Variants in TMEM196 observed in about 807,000 individuals in gnomAD.
The protein encoded by TMEM196 is transmembrane protein 196.
A neutral mutation model predicts 20.0 loss-of-function variants in TMEM196; 17 were observed. That is an observed-to-expected ratio of 0.85 (90% CI 0.58 to 1.27). The LOEUF (loss-of-function observed/expected upper bound fraction) is 1.27. Among genes scored for constraint, TMEM196 ranks in the 50% most tolerant of loss-of-function variants. The pLI is 0.00. For synonymous variants in TMEM196, 113 were observed against 88.9 expected (o/e 1.27, Z -1.52); for missense variants, 267 against 223.0 (o/e 1.20, Z -1.26).
intron 1 of TMEM196, among the ~76,000 whole-genome samples, chr7:19,736,271 A>T (rs1020565251): frequency 1.4e-5 from 2 of 147,754 alleles, no homozygotes; most frequent in East Asian, 3.9e-4. Context: ...TTCTTACATC[A>T]TATCCTGGCT....
chr7:19,754,934 C>T (rs944442717), intron 1 of TMEM196, among the ~76,000 whole-genome samples: 53 of 152,092 alleles, frequency 3.5e-4, no homozygotes, highest in African/African-American at 1.3e-3. Flanking sequence ...TGATACAGCA[C>T]TTATTATTTA....
intron 2 of TMEM196, among the ~76,000 whole-genome samples, chr7:19,726,910 C>T (rs1285907266): frequency 6.6e-6 from 1 of 152,032 alleles, no homozygotes; most frequent in African/African-American, 2.4e-5. Flanking sequence ...ATATGGGTTA[C>T]TCATTCCCAC....
chr7:19,757,186 T>TG lies in TMEM196; in HGVS notation c.147+15363_147+15364insC, dbSNP rs1195590743. On this transcript the variant is annotated intron_variant, in intron 1 of 4. Coordinates refer to ENST00000405844, the MANE Select transcript of TMEM196 (RefSeq NM_001363562.2). The stretch of plus-strand genomic sequence containing the variant: ...TATTGCAGTAGATACTTTTTTTTTT[T>TG]TTTTTGAGATGAAGTCTCAGTTTGT... 2.6e-4 allele frequency among the ~76,000 whole-genome samples: 39 copies of TG among 151,182 alleles called. 1 individual carries two copies. In the East Asian group the frequency reaches 7.4e-3, roughly 29 times the overall value.
chr7:19,755,171 C>T (rs1158023152), intron 1 of TMEM196, among the ~76,000 whole-genome samples: 1 of 152,132 alleles, frequency 6.6e-6, no homozygotes, highest in Admixed American at 6.5e-5. Flanking sequence ...CTTTCTTTAA[C>T]CTTTCTACTT....
intron 1 of TMEM196, among the ~76,000 whole-genome samples, chr7:19,736,795 G>T (rs1443849965): frequency 3.9e-5 from 6 of 151,982 alleles, no homozygotes; most frequent in Admixed American, 3.3e-4. Context: ...TAAGGTCAAA[G>T]AGTGAGAGTT....
chr7:19,733,968 C>T (rs1256425955), intron 1 of TMEM196, among the ~76,000 whole-genome samples: 1 of 152,174 alleles, frequency 6.6e-6, no homozygotes, highest in Non-Finnish European at 1.5e-5. Flanking sequence ...TAACAACTGA[C>T]AGCAGTCTAC....
At chr7:19,746,637 C>T (rs1344819555) in intron 1 of TMEM196, among the ~76,000 whole-genome samples, 1 of 152,190 alleles carries the variant, frequency 6.6e-6, no homozygotes, top group African/African-American at 2.4e-5. Flanking sequence ...TAACAGCTTT[C>T]TATAACCAAA....
rs1583469802 is a variant in TMEM196, at chr7:19,772,791, C to T, written c.-95G>A. 1 of 1,211,676 alleles carries T rather than the reference C, an allele frequency of 8.3e-7. No individual in the cohort carries two copies. Among genetic ancestry groups the T allele is most frequent in the Non-Finnish European group, 1.1e-6 (1 of 940,986 alleles). 75.1% of individuals were successfully genotyped at this position (1,211,676 alleles called of 1,614,324 possible). A position where few individuals can be genotyped will look rare whatever the true frequency, so the allele number is the denominator to read the frequency against. ...CCTCCTTACCCCTTCCACCCCCTAC[C>T]AGATCCCAAAACTTTTCTTTCTTCA... On this transcript the variant is annotated 5_prime_UTR_variant, in exon 1 of 5. Coordinates refer to ENST00000405844, the MANE Select transcript of TMEM196 (RefSeq NM_001363562.2).
At chr7:19,763,991 C>T (rs1785530962) in intron 1 of TMEM196, among the ~76,000 whole-genome samples, 1 of 152,142 alleles carries the variant, frequency 6.6e-6, no homozygotes, top group Non-Finnish European at 1.5e-5. Flanking sequence ...CCTATTCTCA[C>T]TTCTTTGTAT....
intron 4 of TMEM196, among the ~76,000 whole-genome samples, chr7:19,722,382 A>G (rs1289473958): frequency 6.6e-6 from 1 of 152,074 alleles, no homozygotes; most frequent in Non-Finnish European, 1.5e-5. Context: ...TTCTCTCCCC[A>G]CTTTCCTGAG....
At chr7:19,752,468 A>C (rs1292713036) in intron 1 of TMEM196, among the ~76,000 whole-genome samples, 1 of 152,168 alleles carries the variant, frequency 6.6e-6, no homozygotes, top group Non-Finnish European at 1.5e-5. Context: ...TAACAGGATT[A>C]TTTAAGGGCT....
chr7:19,770,785 C>T (rs1562632974), intron 1 of TMEM196, among the ~76,000 whole-genome samples: 1 of 152,086 alleles, frequency 6.6e-6, no homozygotes, highest in Non-Finnish European at 1.5e-5. Context: ...ACATACACAT[C>T]TAGATAATAG....
intron 1 of TMEM196, among the ~76,000 whole-genome samples, chr7:19,729,845 A>G (rs1784132239): frequency 6.6e-6 from 1 of 152,238 alleles, no homozygotes; most frequent in Non-Finnish European, 1.5e-5. Context: ...AAATCAAAAG[A>G]TAATGCATCA....
chr7:19,761,534 A>G (rs1235099438), intron 1 of TMEM196, among the ~76,000 whole-genome samples: 1 of 152,218 alleles, frequency 6.6e-6, no homozygotes, highest in Non-Finnish European at 1.5e-5. Flanking sequence ...TTATGTGATA[A>G]GGTGTTCCTC....
intron 1 of TMEM196, among the ~76,000 whole-genome samples, chr7:19,768,166 T>G (rs1352291953): frequency 6.6e-6 from 1 of 152,122 alleles, no homozygotes; most frequent in Non-Finnish European, 1.5e-5. Context: ...CAATAAAACC[T>G]GTAAACATTA....
intron 1 of TMEM196, among the ~76,000 whole-genome samples, chr7:19,737,426 A>G (rs974901690): frequency 1.3e-5 from 2 of 152,022 alleles, no homozygotes; most frequent in African/African-American, 4.8e-5. Flanking sequence ...AAAGCTAAAC[A>G]TAGTCTTCCC....
In TMEM196 at chr7:19,725,119, A is replaced by C. The variant is rs1487415327; in HGVS notation, c.459+395T>G. 2.0e-5 allele frequency among the ~76,000 whole-genome samples: 3 copies of C among 152,322 alleles called. No individual in the cohort carries two copies. The East Asian group carries it at 5.8e-4, about 29-fold the overall frequency. On this transcript the variant is annotated intron_variant, in intron 3 of 4. Coordinates refer to ENST00000405844, the MANE Select transcript of TMEM196 (RefSeq NM_001363562.2). ...CTTGAAGATCAAATTTACATAATCA[A>C]ATGCATCTCCTTAATAGAACAAGGG...
At chr7:19,731,983 T>C (rs183942847) in intron 1 of TMEM196, among the ~76,000 whole-genome samples, 2 of 152,236 alleles carry the variant, frequency 1.3e-5, no homozygotes, top group Non-Finnish European at 1.5e-5. Context: ...AATCATGGGA[T>C]TTATGAGGAG....
intron 1 of TMEM196, among the ~76,000 whole-genome samples, chr7:19,733,659 T>TA (rs1562610493): frequency 6.7e-6 from 1 of 148,202 alleles, no homozygotes; most frequent in East Asian, 2.0e-4. Context: ...AGATCCTTTT[T>TA]TAAAAAAAAA....
Sources: allele counts gnomAD v4.1 joint callset (sites outside exome capture counted in the v4.1 genomes callset), GRCh38; gene constraint gnomAD v4.1.1; transcripts MANE v1.5; gene names NCBI Gene and HGNC (gene_info 2026-07-23, HGNC 2026-07-21).